The following DGLUCY variants were observed in gnomAD, a reference collection of about 807,000 sequenced individuals.
DGLUCY encodes D-glutamate cyclase, mitochondrial.
Under a neutral mutation model 58.5 loss-of-function variants are expected in DGLUCY, and 58 were observed. The ratio of observed to expected loss-of-function variants is 0.99; its 90% confidence interval spans 0.80 to 1.23. DGLUCY has a LOEUF of 1.23. Among genes scored for constraint, DGLUCY ranks in the 50% most tolerant of loss-of-function variants. The pLI is 0.00. For synonymous variants in DGLUCY, 325 were observed against 314.1 expected, an observed-to-expected ratio of 1.03 and a Z score of -0.37; for missense variants, 779 against 784.7, an observed-to-expected ratio of 0.99 and a Z score of 0.09.
At position 91,189,068 on chromosome 14, in the gene DGLUCY, C is replaced by T. The variant is rs774921532; in HGVS notation, c.1093C>T (p.Leu365=). The T allele has an allele frequency of 1.1e-5, 17 of 1,614,166 alleles. No homozygotes were observed. In the South Asian group the frequency reaches 1.9e-4, roughly 18 times the overall value. ...AGATGGCCCACCAGGAGCTGTTGCT[C>T]TGGTTGCCTTCCTGCAGGCCTTGGA... ...ETDGPPGAVA[L]VAFLQALEKE... Residue 365 remains leucine, a synonymous_variant, in exon 9 of 14, where the codon CTG becomes TTG. Transcript: ENST00000256324.
chr14:91,143,144 G>C (rs542825578), intron 1 of DGLUCY, among the ~76,000 whole-genome samples: 1 of 151,238 alleles, frequency 6.6e-6, no homozygotes, highest in Non-Finnish European at 1.5e-5. Flanking sequence ...CGCCCAGGCT[G>C]GAGTGCAGTG....
At chr14:91,201,939 C>T (rs1667862470) in intron 11 of DGLUCY, among the ~76,000 whole-genome samples, 1 of 151,840 alleles carries the variant, frequency 6.6e-6, no homozygotes, top group South Asian at 2.1e-4. Context: ...CCTGTGATTC[C>T]AGCTCCTCAG....
intron 1 of DGLUCY, among the ~76,000 whole-genome samples, chr14:91,143,468 G>A (rs549971203): frequency 1.3e-5 from 2 of 152,294 alleles, no homozygotes; most frequent in South Asian, 2.1e-4. Context: ...GAGACAAGAG[G>A]ACAAAGCCTT....
chr14:91,159,678 A>C (rs2047868306), intron 2 of DGLUCY, among the ~76,000 whole-genome samples: 1 of 152,190 alleles, frequency 6.6e-6, no homozygotes, highest in Non-Finnish European at 1.5e-5. Context: ...CAAAGAAGAA[A>C]ACACAAAGTC....
intron 13 of DGLUCY, chr14:91,216,020 A>G (rs982951458): frequency 3.4e-6 from 1 of 297,760 alleles, no homozygotes; most frequent in Non-Finnish European, 6.6e-6. Flanking sequence ...TAAGGGGGAC[A>G]GACAAGGTGA....
intron 5 of DGLUCY, among the ~76,000 whole-genome samples, chr14:91,172,883 G>T (rs1267329066): frequency 1.3e-5 from 2 of 152,172 alleles, no homozygotes; most frequent in Admixed American, 1.3e-4. Flanking sequence ...CTGACCTCGT[G>T]ATCCGCCCAC....
intron 1 of DGLUCY, among the ~76,000 whole-genome samples, chr14:91,080,744 A>G (rs2044109864): frequency 7.2e-6 from 1 of 138,322 alleles, no homozygotes; most frequent in Non-Finnish European, 1.6e-5. Flanking sequence ...AGCTTCAACT[A>G]TCTATATGAA....
At chr14:91,060,649 A>C in exon 1 of DGLUCY, 10 of 506,744 alleles carry the variant, frequency 2.0e-5, no homozygotes, top group Non-Finnish European at 2.1e-5. Flanking sequence ...CGCGCAACCA[A>C]ACCGCCCCCT....
chr14:91,192,768 C>T (rs553212171), intron 9 of DGLUCY, among the ~76,000 whole-genome samples: 4 of 152,298 alleles, frequency 2.6e-5, no homozygotes, highest in African/African-American at 9.6e-5. Context: ...CGCACCAATG[C>T]ACTCCAGCCT....
At chr14:91,089,260 A>C (rs147762628) in intron 1 of DGLUCY, among the ~76,000 whole-genome samples, 1 of 152,252 alleles carries the variant, frequency 6.6e-6, no homozygotes, top group African/African-American at 2.4e-5. Flanking sequence ...CAAATGTCCA[A>C]CTCAGGAGCC....
chr14:91,114,054 G>T (rs2044760662), upstream of DGLUCY: 1 of 152,516 alleles, frequency 6.6e-6, no homozygotes, highest in South Asian at 2.1e-4. Flanking sequence ...CCACGCTGCT[G>T]CATGGGCCAC....
chr14:91,135,212 C>A (rs187942684), intron 1 of DGLUCY, among the ~76,000 whole-genome samples: 1 of 152,314 alleles, frequency 6.6e-6, no homozygotes, highest in African/African-American at 2.4e-5. Context: ...AGGCATGAGT[C>A]ACTGTGCCCT....
chr14:91,181,459 A>C (rs950718307), intron 8 of DGLUCY, 70 bp downstream of exon 8: 5 of 1,481,478 alleles, frequency 3.4e-6, no homozygotes, highest in Non-Finnish European at 4.6e-6. Flanking sequence ...GGAGAAAATC[A>C]CCTTTTCAGT....
intron 1 of DGLUCY, among the ~76,000 whole-genome samples, chr14:91,090,053 C>T (rs1481167307): frequency 1.3e-5 from 2 of 152,158 alleles, no homozygotes; most frequent in Non-Finnish European, 2.9e-5. Context: ...AAGTGGGGCC[C>T]TGACGAAGGA....
chr14:91,201,983 A>G (rs930961124), intron 11 of DGLUCY, among the ~76,000 whole-genome samples: 1 of 151,880 alleles, frequency 6.6e-6, no homozygotes, highest in East Asian at 1.9e-4. Context: ...TGAACCCAGG[A>G]GGTGGAAGTT....
intron 13 of DGLUCY, among the ~76,000 whole-genome samples, chr14:91,218,025 A>C (rs774521144): frequency 6.6e-5 from 10 of 152,046 alleles, no homozygotes; most frequent in Non-Finnish European, 1.5e-4. Context: ...CTGGGATCCG[A>C]GTCTAGGTCT....
intron 1 of DGLUCY, among the ~76,000 whole-genome samples, chr14:91,064,289 A>G (rs117070204): frequency 0.02 from 3,037 of 152,232 alleles, 41 homozygotes; most frequent in Middle Eastern, 0.051. Flanking sequence ...AAGCTTAGGA[A>G]TCACTGGCAC....
upstream of DGLUCY, among the ~76,000 whole-genome samples, chr14:91,106,699 T>C: frequency 1.1e-5 from 1 of 88,510 alleles, no homozygotes. Flanking sequence ...AAAGCGAGAC[T>C]CTGTCTCAAA....
chr14:91,179,389 G>A lies in DGLUCY; in HGVS notation c.731-1797G>A, dbSNP rs142015449. Reference sequence around the variant, plus strand: ...TGCTTGAGCCCAGGAGTTTGAGGCCGCAGTGAGCTGTGTTGCACCACTGTA... The same window carrying A: ...TGCTTGAGCCCAGGAGTTTGAGGCCACAGTGAGCTGTGTTGCACCACTGTA... On this transcript the variant is annotated intron_variant, in intron 7 of 13. Coordinates refer to ENST00000256324, the MANE Select transcript of DGLUCY (RefSeq NM_001102368.3). Among the ~76,000 whole-genome samples the A allele has an allele frequency of 7.2e-3, 1,096 of 152,026 alleles. 9 individuals carry two copies. The highest frequency in any genetic ancestry group is 0.011 in the Non-Finnish European group (762 of 67,948).
Sources: gnomAD v4.1 joint callset for allele counts (sites outside exome capture counted in the v4.1 genomes callset) on GRCh38, gnomAD v4.1.1 for gene constraint, MANE v1.5 for transcripts, NCBI Gene and HGNC (gene_info 2026-07-23, HGNC 2026-07-21) for gene names.